Variants in NT5DC1 observed in about 807,000 individuals in gnomAD.
The protein encoded by NT5DC1 is 5'-nucleotidase domain containing 1.
Under a neutral mutation model 59.4 loss-of-function variants are expected in NT5DC1, and 42 were observed. The ratio of observed to expected loss-of-function variants is 0.71; its 90% CI spans 0.55 to 0.92. NT5DC1 has a LOEUF of 0.92. Among genes scored for constraint, NT5DC1 ranks in the 40% least tolerant of loss-of-function variants. The pLI, the probability that NT5DC1 is intolerant of heterozygous loss-of-function variation, is 0.00. For synonymous variants in NT5DC1, 172 were observed against 188.1 expected (o/e 0.91, Z 0.70); for missense variants, 501 against 537.1 (o/e 0.93, Z 0.66).
chr6:116,110,683 A>G, intron 3 of NT5DC1, 167 bp from the exon 4 acceptor site: 2 of 695,458 alleles, frequency 2.9e-6, no homozygotes, highest in South Asian at 3.0e-5. Context: ...AGCTGCCCAC[A>G]GAAATGCTTT....
chr6:116,192,195 T>C lies in NT5DC1; in HGVS notation c.530-28859T>C, dbSNP rs181751354. On this transcript the variant is annotated intron_variant, in intron 6 of 11. Transcript: ENST00000319550. ...TAACTGTGTGATTTTGCCAGTTAAT[T>C]AACCTCTGTAAGTCTCTGTTTGCTC... Among the ~76,000 whole-genome samples, 3 of 152,134 alleles carry C rather than the reference T, an allele frequency of 2.0e-5. No individual in the cohort carries two copies. In the East Asian group the frequency reaches 5.8e-4, roughly 30 times the overall value.
chr6:116,210,567 A>C (rs981988115), intron 6 of NT5DC1, among the ~76,000 whole-genome samples: 1 of 151,962 alleles, frequency 6.6e-6, no homozygotes, highest in Non-Finnish European at 1.5e-5. Flanking sequence ...CAAAACGGGA[A>C]TCATATAGGA....
At chr6:116,140,464 T>C (rs1465670779) in intron 6 of NT5DC1, among the ~76,000 whole-genome samples, 1 of 152,144 alleles carries the variant, frequency 6.6e-6, no homozygotes, top group African/African-American at 2.4e-5. Context: ...ATGTGTATAG[T>C]ATATATCATT....
At chr6:116,214,890 C>T (rs564277781) in intron 6 of NT5DC1, among the ~76,000 whole-genome samples, 5 of 152,042 alleles carry the variant, frequency 3.3e-5, no homozygotes, top group African/African-American at 1.2e-4. Context: ...TAAGATTAAA[C>T]GGTCCTTTGA....
chr6:116,135,570 A>G (rs1409527760), intron 6 of NT5DC1, among the ~76,000 whole-genome samples: 2 of 151,724 alleles, frequency 1.3e-5, no homozygotes, highest in Non-Finnish European at 2.9e-5. Flanking sequence ...TACTTGATGA[A>G]CAATATAACT....
intron 8 of NT5DC1, among the ~76,000 whole-genome samples, chr6:116,232,685 G>GAT (rs1782040722): frequency 6.6e-6 from 1 of 152,054 alleles, no homozygotes; most frequent in African/African-American, 2.4e-5. Flanking sequence ...GTTTTGCTTA[G>GAT]CTTTATTCAA....
At chr6:116,189,256 G>A (rs1376149547) in intron 6 of NT5DC1, among the ~76,000 whole-genome samples, 1 of 151,430 alleles carries the variant, frequency 6.6e-6, no homozygotes, top group Non-Finnish European at 1.5e-5. Flanking sequence ...TTTTTCTCTT[G>A]TAAACCTTTA....
At position 116,163,906 on chromosome 6, in the gene NT5DC1, G is replaced by T. The variant is rs1006429796; in HGVS notation, c.529+45961G>T. Among the ~76,000 whole-genome samples the T allele has an allele frequency of 3.3e-5, 5 of 152,134 alleles. No individual in the cohort carries two copies. The East Asian group carries it at 9.6e-4, about 29-fold the overall frequency. ...GGTTTCCATTTACGTATGTGGTTTT[G>T]AGAGTTCCTTTCAGCATTCATTTCT... On this transcript the variant is annotated intron_variant, in intron 6 of 11. Coordinates refer to ENST00000319550, the MANE Select transcript of NT5DC1 (RefSeq NM_152729.3).
intron 6 of NT5DC1, among the ~76,000 whole-genome samples, chr6:116,138,348 A>C (rs1779672779): frequency 6.6e-6 from 1 of 152,216 alleles, no homozygotes; most frequent in African/African-American, 2.4e-5. Flanking sequence ...AATTCCAAGA[A>C]TAGCACTACT....
At chr6:116,130,568 G>A (rs1779434295) in intron 6 of NT5DC1, among the ~76,000 whole-genome samples, 1 of 152,104 alleles carries the variant, frequency 6.6e-6, no homozygotes, top group South Asian at 2.1e-4. Flanking sequence ...CACAGTCTGA[G>A]TGCCTGGATG....
chr6:116,140,610 C>G (rs575852990), intron 6 of NT5DC1, among the ~76,000 whole-genome samples: 102 of 152,186 alleles, frequency 6.7e-4, no homozygotes, highest in African/African-American at 2.4e-3. Flanking sequence ...CCTGTGTTTC[C>G]TCATGTAGTT....
chr6:116,119,648 AG>A (rs1163636164), intron 6 of NT5DC1: 2 of 175,414 alleles, frequency 1.1e-5, no homozygotes, highest in African/African-American at 4.8e-5. Flanking sequence ...GATGTTTCCT[AG>A]AAGTTCTCAT....
chr6:116,200,195 A>G (rs1781320106), intron 6 of NT5DC1, among the ~76,000 whole-genome samples: 1 of 152,034 alleles, frequency 6.6e-6, no homozygotes. Flanking sequence ...ATCCCAATTG[A>G]AGGACATTCT....
At chr6:116,233,250 T>C (rs1173381110) in intron 8 of NT5DC1, among the ~76,000 whole-genome samples, 1 of 152,232 alleles carries the variant, frequency 6.6e-6, no homozygotes, top group Non-Finnish European at 1.5e-5. Flanking sequence ...GTTTGCTGTT[T>C]TATCAAATAA....
At chr6:116,161,849 C>G (rs1168139849) in intron 6 of NT5DC1, among the ~76,000 whole-genome samples, 2 of 152,162 alleles carry the variant, frequency 1.3e-5, no homozygotes, top group Non-Finnish European at 2.9e-5. Flanking sequence ...ATTGATTCTT[C>G]CTGCCCATGA....
At chr6:116,113,334 A>G (rs958550871) in intron 4 of NT5DC1, among the ~76,000 whole-genome samples, 3 of 152,216 alleles carry the variant, frequency 2.0e-5, no homozygotes, top group African/African-American at 7.2e-5. Flanking sequence ...CCATTCTACC[A>G]TGGCCACTAA....
chr6:116,160,009 T>C (rs1186386149), intron 6 of NT5DC1, among the ~76,000 whole-genome samples: 1 of 152,166 alleles, frequency 6.6e-6, no homozygotes, highest in East Asian at 1.9e-4. Context: ...TTTATTCCAG[T>C]CAACTTTTGA....
chr6:116,194,318 CA>C (rs1260062923), intron 6 of NT5DC1, among the ~76,000 whole-genome samples: 2 of 151,858 alleles, frequency 1.3e-5, no homozygotes, highest in Admixed American at 1.3e-4. Flanking sequence ...GTTTTCACAA[CA>C]AGTAATATTT....
At chr6:116,129,594 C>G (rs112946082) in intron 6 of NT5DC1, among the ~76,000 whole-genome samples, 2 of 152,206 alleles carry the variant, frequency 1.3e-5, no homozygotes, top group Non-Finnish European at 2.9e-5. Context: ...CCATGCGATA[C>G]TACAGCATGA....
Sources: allele counts gnomAD v4.1 joint callset (sites outside exome capture counted in the v4.1 genomes callset), GRCh38; gene constraint gnomAD v4.1.1; transcripts MANE v1.5; gene names NCBI Gene and HGNC (gene_info 2026-07-23, HGNC 2026-07-21).